The following NLGN1 variants were observed in gnomAD, a reference collection of about 807,000 sequenced individuals.
The protein encoded by NLGN1 is neuroligin 1.
NLGN1 carries 12 observed loss-of-function variants against 65.5 expected under a neutral mutation model. The observed-to-expected ratio is 0.18, with a 90% confidence interval of 0.12 to 0.30. The LOEUF (loss-of-function observed/expected upper bound fraction) is 0.30, where lower values mean the gene tolerates loss of function less well. Among genes scored for constraint, NLGN1 ranks in the 10% least tolerant of loss-of-function variants. The pLI, the probability that NLGN1 is intolerant of heterozygous loss-of-function variation, is 1.00. For missense variants in NLGN1, 750 were observed against 1,007.1 expected, an observed-to-expected ratio of 0.74 and a Z score of 3.46; for synonymous variants, 350 against 359.5, an observed-to-expected ratio of 0.97 and a Z score of 0.30.
chr3:174,272,798 C>A (rs4504175), intron 4 of NLGN1, among the ~76,000 whole-genome samples: 18,244 of 151,352 alleles, frequency 0.12, 1,704 homozygotes, highest in East Asian at 0.54. Context: ...TGCTGAAGGG[C>A]AAAAATGGAG....
At position 173,456,081 on chromosome 3, in the gene NLGN1, C is replaced by T. The variant is rs114321310; in HGVS notation, c.-321+21003C>T. Reference sequence around the variant, plus strand: ...AGGGCCATCTGCTTTAGTAAGACATCAATTCAAATGCTAATCTCTCCTGGA... The same window carrying T: ...AGGGCCATCTGCTTTAGTAAGACATTAATTCAAATGCTAATCTCTCCTGGA... On this transcript the variant is annotated intron_variant, in intron 2 of 6. Transcript: ENST00000457714. Among the ~76,000 whole-genome samples the T allele has an allele frequency of 3.1e-3, 476 of 152,220 alleles. 3 individuals carry two copies. Among genetic ancestry groups the T allele is most frequent in the African/African-American group, 0.011 (442 of 41,532 alleles).
chr3:174,123,911 T>C (rs963299473), intron 4 of NLGN1, among the ~76,000 whole-genome samples: 1 of 152,148 alleles, frequency 6.6e-6, no homozygotes, highest in South Asian at 2.1e-4. Context: ...TCATAAACCA[T>C]TGTGCTGTGG....
chr3:173,654,796 T>G (rs1343114212), intron 3 of NLGN1, among the ~76,000 whole-genome samples: 3 of 152,194 alleles, frequency 2.0e-5, no homozygotes, highest in Admixed American at 2.0e-4. Flanking sequence ...TCAGGCAATT[T>G]GATTGAAATG....
At chr3:173,782,986 T>C (rs965463648) in intron 3 of NLGN1, among the ~76,000 whole-genome samples, 1 of 136,702 alleles carries the variant, frequency 7.3e-6, no homozygotes, top group Non-Finnish European at 1.6e-5. Flanking sequence ...TATAGAAAGC[T>C]GTCTTTTAAG....
chr3:173,862,836 A>G (rs1199730948), intron 4 of NLGN1, among the ~76,000 whole-genome samples: 5 of 152,152 alleles, frequency 3.3e-5, no homozygotes, highest in African/African-American at 4.8e-5. Flanking sequence ...TGAACTCCCA[A>G]TATTCAGGTA....
At chr3:173,894,368 G>T (rs1408760695) in intron 4 of NLGN1, among the ~76,000 whole-genome samples, 1 of 152,162 alleles carries the variant, frequency 6.6e-6, no homozygotes, top group African/African-American at 2.4e-5. Flanking sequence ...AGAGACTCAA[G>T]TTGATAGGAA....
At chr3:173,590,125 A>T (rs1748216921) in intron 2 of NLGN1, among the ~76,000 whole-genome samples, 1 of 152,164 alleles carries the variant, frequency 6.6e-6, no homozygotes, top group Non-Finnish European at 1.5e-5. Context: ...CACAATATTC[A>T]CACCTTGAAA....
At chr3:173,528,923 T>G (rs996350763) in intron 2 of NLGN1, among the ~76,000 whole-genome samples, 3 of 152,168 alleles carry the variant, frequency 2.0e-5, no homozygotes, top group African/African-American at 7.2e-5. Context: ...ACTTTGAATT[T>G]TTATGTAATT....
chr3:173,441,762 C>T (rs1176149289), intron 2 of NLGN1, among the ~76,000 whole-genome samples: 1 of 152,138 alleles, frequency 6.6e-6, no homozygotes, highest in Non-Finnish European at 1.5e-5. Context: ...TGAGCACATG[C>T]TGTTGGGAAA....
chr3:173,526,022 A>G (rs1353056528), intron 2 of NLGN1, among the ~76,000 whole-genome samples: 4 of 152,128 alleles, frequency 2.6e-5, no homozygotes, highest in Admixed American at 1.3e-4. Flanking sequence ...GGCCAAAAAT[A>G]TGCTCAATTT....
At chr3:173,766,000 T>G (rs1227030151) in intron 3 of NLGN1, among the ~76,000 whole-genome samples, 1 of 152,082 alleles carries the variant, frequency 6.6e-6, no homozygotes, top group African/African-American at 2.4e-5. Context: ...GAAACTCTTC[T>G]ATTTTCTAGA....
chr3:174,023,973 C>T (rs1194052947), intron 4 of NLGN1, among the ~76,000 whole-genome samples: 1 of 151,950 alleles, frequency 6.6e-6, no homozygotes, highest in Non-Finnish European at 1.5e-5. Flanking sequence ...CATGCAGAAG[C>T]TTAGGAAATA....
intron 4 of NLGN1, among the ~76,000 whole-genome samples, chr3:173,882,830 G>A (rs1435550289): frequency 1.3e-5 from 2 of 152,122 alleles, no homozygotes; most frequent in Admixed American, 1.3e-4. Context: ...GGGCTGTTTA[G>A]TGCAAGAGAT....
chr3:174,185,807 CA>C (rs71162377), intron 4 of NLGN1, among the ~76,000 whole-genome samples: 8 of 149,474 alleles, frequency 5.4e-5, no homozygotes, highest in Admixed American at 2.7e-4. Context: ...AGAAATTAAC[CA>C]AAAAAAAACA....
chr3:173,917,669 A>G (rs1741013044), intron 4 of NLGN1, among the ~76,000 whole-genome samples: 1 of 152,162 alleles, frequency 6.6e-6, no homozygotes, highest in South Asian at 2.1e-4. Context: ...ATTACTCCCT[A>G]GTCAGGAAGA....
intron 2 of NLGN1, among the ~76,000 whole-genome samples, chr3:173,527,419 A>G (rs566145043): frequency 2.0e-5 from 3 of 151,886 alleles, no homozygotes; most frequent in Admixed American, 2.0e-4. Context: ...TTTTTTTGAG[A>G]CGGAGTCTCG....
chr3:174,268,203 C>T (rs1033091810), intron 4 of NLGN1, among the ~76,000 whole-genome samples: 1 of 152,094 alleles, frequency 6.6e-6, no homozygotes, highest in Non-Finnish European at 1.5e-5. Context: ...TCCTTTGATT[C>T]AAAAGGCCTT....
chr3:173,496,577 A>G (rs1014982986), intron 2 of NLGN1, among the ~76,000 whole-genome samples: 4 of 151,866 alleles, frequency 2.6e-5, no homozygotes, highest in African/African-American at 4.9e-5. Flanking sequence ...GGATTCTTCA[A>G]TCAGGAGCAC....
intron 4 of NLGN1, among the ~76,000 whole-genome samples, chr3:173,898,418 A>G (rs1010011738): frequency 1.2e-4 from 18 of 152,196 alleles, no homozygotes; most frequent in Admixed American, 2.6e-4. Flanking sequence ...CCCATTGTGC[A>G]TTCAGAGATG....
Sources: allele counts gnomAD v4.1 joint callset (sites outside exome capture counted in the v4.1 genomes callset), GRCh38; gene constraint gnomAD v4.1.1; transcripts MANE v1.5; gene names NCBI Gene and HGNC (gene_info 2026-07-23, HGNC 2026-07-21).